The following CDC123 variants were observed in gnomAD, a reference collection of about 807,000 sequenced individuals.
CDC123 encodes cell division cycle 123.
Under a neutral mutation model 54.4 loss-of-function variants are expected in CDC123, and 37 were observed. The observed-to-expected ratio is 0.68, with a 90% CI of 0.52 to 0.89. The LOEUF (loss-of-function observed/expected upper bound fraction) is 0.89. Ranked by LOEUF, CDC123 falls within the 40% of genes least tolerant of loss-of-function variation. The pLI is 0.00. For missense variants in CDC123, 361 were observed against 412.1 expected, an observed-to-expected ratio of 0.88 and a Z score of 1.07; for synonymous variants, 144 against 136.8, an observed-to-expected ratio of 1.05 and a Z score of -0.37.
At chr10:12,240,496 C>T (rs1161181593) in intron 10 of CDC123, among the ~76,000 whole-genome samples, 1 of 152,192 alleles carries the variant, frequency 6.6e-6, no homozygotes, top group African/African-American at 2.4e-5. Context: ...GTTAACTGTT[C>T]ATTTAACTCT....
Position 12,213,645 on chromosome 10 carries a change from C to T in CDC123, c.238-2095C>T, listed in dbSNP as rs889317784. On this transcript the variant is annotated intron_variant, in intron 4 of 12. Coordinates refer to ENST00000281141, the MANE Select transcript of CDC123 (RefSeq NM_006023.3). ...ATCTGTATTGTGTCAGTGTTAGTTC[C>T]GTGATTTTGATAGATAATTTATAGA... Among the ~76,000 whole-genome samples, 4 of 151,622 alleles carry T rather than the reference C, an allele frequency of 2.6e-5. No homozygotes were observed. In the East Asian group the frequency reaches 7.7e-4, roughly 29 times the overall value.
In CDC123 at chr10:12,250,434, C is replaced by G. The variant is rs778956542; in HGVS notation, c.*97C>G. On this transcript the variant is annotated 3_prime_UTR_variant, in exon 13 of 13. Transcript: ENST00000281141. ...CCTGCCGACCCTGATGCGGGTGGGC[C>G]GAGCAGTGTGGACATCAGCCACTTT... The G allele has an allele frequency of 1.1e-6, 1 of 924,400 alleles. No individual in the cohort carries two copies. The highest frequency in any genetic ancestry group is 1.6e-5 in the African/African-American group (1 of 61,744). 57.3% of individuals were successfully genotyped at this position (924,400 alleles called of 1,614,324 possible).
At chr10:12,244,123 G>A (rs1836096441) in intron 10 of CDC123, among the ~76,000 whole-genome samples, 2 of 152,176 alleles carry the variant, frequency 1.3e-5, no homozygotes, top group African/African-American at 4.8e-5. Flanking sequence ...GGAGGTTCTG[G>A]TATTTGAAGC....
At chr10:12,240,264 ATGCT>A (rs1321078109) in intron 10 of CDC123, among the ~76,000 whole-genome samples, 1 of 152,150 alleles carries the variant, frequency 6.6e-6, no homozygotes, top group Non-Finnish European at 1.5e-5. Flanking sequence ...AGGTCACTAA[ATGCT>A]GTTTGGTGCT....
intron 8 of CDC123, among the ~76,000 whole-genome samples, chr10:12,236,470 A>T (rs184296076): frequency 2.0e-5 from 3 of 152,134 alleles, no homozygotes; most frequent in Non-Finnish European, 4.4e-5. Flanking sequence ...ATGGTGGCAC[A>T]TGCCTGTAGT....
chr10:12,200,816 C>G (rs946168763), intron 2 of CDC123, among the ~76,000 whole-genome samples: 2 of 152,168 alleles, frequency 1.3e-5, no homozygotes, highest in African/African-American at 4.8e-5. Context: ...ACCTCTGATT[C>G]CTACTACTCG....
chr10:12,217,048 A>G (rs376204664), intron 5 of CDC123, among the ~76,000 whole-genome samples: 3 of 152,198 alleles, frequency 2.0e-5, no homozygotes, highest in East Asian at 1.9e-4. Flanking sequence ...TCTTGTAGCC[A>G]AAATGTCGAT....
intron 10 of CDC123, among the ~76,000 whole-genome samples, chr10:12,242,084 C>A (rs554974406): frequency 3.5e-4 from 13 of 37,172 alleles, no homozygotes; most frequent in Non-Finnish European, 9.2e-4. Context: ...TTGAGAGTTA[C>A]ATAGCTGGCT....
Position 12,207,315 on chromosome 10 carries a change from T to G in CDC123, c.147-2652T>G, listed in dbSNP as rs146933684. Reference sequence around the variant, plus strand: ...TATCATGTTTTCAGTGTCTACAAGTTCCTCTGTTCCTTTTTTATAGCCTCC... The same window carrying G: ...TATCATGTTTTCAGTGTCTACAAGTGCCTCTGTTCCTTTTTTATAGCCTCC... On this transcript the variant is annotated intron_variant, in intron 2 of 12. Transcript: ENST00000281141. Among the ~76,000 whole-genome samples the G allele has an allele frequency of 1.5e-4, 23 of 152,340 alleles. 1 individual carries two copies. The East Asian group carries it at 4.2e-3, about 28-fold the overall frequency.
At chr10:12,240,456 T>C (rs151333412) in intron 10 of CDC123, among the ~76,000 whole-genome samples, 11 of 152,362 alleles carry the variant, frequency 7.2e-5, no homozygotes, top group South Asian at 2.1e-4. Context: ...CAAAAAGATA[T>C]GGCCCATATG....
At chr10:12,205,033 T>C (rs1280346916) in intron 2 of CDC123, among the ~76,000 whole-genome samples, 1 of 147,902 alleles carries the variant, frequency 6.8e-6, no homozygotes, top group African/African-American at 2.4e-5. Flanking sequence ...TCATTCTTTC[T>C]ACTTTTTTTG....
At chr10:12,202,168 G>A (rs1163658063) in intron 2 of CDC123, among the ~76,000 whole-genome samples, 5 of 152,140 alleles carry the variant, frequency 3.3e-5, no homozygotes, top group African/African-American at 7.2e-5. Flanking sequence ...GGTCTTAAGT[G>A]TACAACTTGG....
chr10:12,227,344 C>A (rs11257608), intron 6 of CDC123, among the ~76,000 whole-genome samples: 1 of 151,794 alleles, frequency 6.6e-6, no homozygotes, highest in Non-Finnish European at 1.5e-5. Flanking sequence ...AATACTAGTA[C>A]GGAGCCCAAG....
chr10:12,217,365 C>T lies in CDC123; in HGVS notation c.338C>T (p.Ala113Val), dbSNP rs752168458. The change falls in exon 6 of 13, where the codon GCG becomes GTG. Residue 113 changes from alanine (A) to valine (V), a missense_variant. Transcript: ENST00000281141. ...AGCATGTGCTTCATTCTTTAGGATG[C>T]GTATTGGATAGCAATGAATAGTTCT... ...PKLNWSAPRD[A>V]YWIAMNSSLK... 9 of 1,609,902 alleles carry T rather than the reference C, an allele frequency of 5.6e-6. No individual in the cohort carries two copies. Among genetic ancestry groups the T allele is most frequent in the African/African-American group, 1.3e-5 (1 of 74,780 alleles).
intron 2 of CDC123, among the ~76,000 whole-genome samples, chr10:12,207,928 C>T (rs1835543153): frequency 6.6e-6 from 1 of 152,176 alleles, no homozygotes; most frequent in Admixed American, 6.5e-5. Context: ...GGATATGTCT[C>T]GCTGCTCCCT....
chr10:12,204,695 A>C (rs1418603103), intron 2 of CDC123, among the ~76,000 whole-genome samples: 1 of 152,154 alleles, frequency 6.6e-6, no homozygotes, highest in African/African-American at 2.4e-5. Context: ...TTGTTCTGTC[A>C]AGTAGTAGGT....
intron 2 of CDC123, among the ~76,000 whole-genome samples, chr10:12,205,217 C>T (rs562116099): frequency 6.2e-4 from 95 of 152,206 alleles, no homozygotes; most frequent in African/African-American, 2.2e-3. Context: ...ATAATGATCT[C>T]CAGTTTCATC....
intron 9 of CDC123, 77 bp from the exon 10 acceptor site, chr10:12,238,380 G>T: frequency 6.7e-7 from 1 of 1,490,328 alleles, no homozygotes. Context: ...TGATTAAAAT[G>T]TACTTTAATT....
intron 10 of CDC123, among the ~76,000 whole-genome samples, chr10:12,241,730 A>C (rs1326111800): frequency 6.6e-6 from 1 of 152,128 alleles, no homozygotes; most frequent in Non-Finnish European, 1.5e-5. Flanking sequence ...CCAAAGATCC[A>C]AAATTTTGGG....
Sources: gnomAD v4.1 joint callset for allele counts (sites outside exome capture counted in the v4.1 genomes callset) on GRCh38, gnomAD v4.1.1 for gene constraint, MANE v1.5 for transcripts, NCBI Gene and HGNC (gene_info 2026-07-23, HGNC 2026-07-21) for gene names.